Variants in ADARB2 observed in about 807,000 individuals in gnomAD.
The protein encoded by ADARB2 is adenosine deaminase RNA specific B2 (inactive).
A neutral mutation model predicts 62.2 loss-of-function variants in ADARB2; 25 were observed. The ratio of observed to expected loss-of-function variants is 0.40; its 90% CI spans 0.29 to 0.56. The LOEUF is 0.56. Ranked by LOEUF, ADARB2 falls within the 20% of genes least tolerant of loss-of-function variation. The pLI is 0.43. For missense variants in ADARB2, 1,071 were observed against 1,077.4 expected (o/e 0.99, Z 0.08); for synonymous variants, 572 against 500.8 (o/e 1.14, Z -1.90).
At chr10:1,667,657 C>T (rs897679440) in intron 1 of ADARB2, among the ~76,000 whole-genome samples, 1 of 152,118 alleles carries the variant, frequency 6.6e-6, no homozygotes, top group African/African-American at 2.4e-5. Context: ...ACTTAGCAGG[C>T]TTCAAAATAC....
At chr10:1,690,488 G>A (rs1834654103) in intron 1 of ADARB2, among the ~76,000 whole-genome samples, 1 of 152,188 alleles carries the variant, frequency 6.6e-6, no homozygotes, top group South Asian at 2.1e-4. Context: ...CTGAATACTT[G>A]TAATGATGCA....
intron 1 of ADARB2, among the ~76,000 whole-genome samples, chr10:1,387,806 C>T (rs1832537249): frequency 4.0e-5 from 6 of 151,856 alleles, no homozygotes; most frequent in Admixed American, 3.9e-4. Context: ...AGAAAAAAAA[C>T]CTACAGACCC....
chr10:1,234,737 C>CTTTTTTTTTTT (rs71376899), intron 5 of ADARB2, among the ~76,000 whole-genome samples: 4 of 53,634 alleles, frequency 7.5e-5, no homozygotes, highest in African/African-American at 1.4e-4. Context: ...CGACCATGAT[C>CTTTTTTTTTTT]TTTTTTTTTT....
intron 1 of ADARB2, among the ~76,000 whole-genome samples, chr10:1,626,335 T>A: frequency 8.2e-6 from 1 of 122,384 alleles, no homozygotes; most frequent in African/African-American, 3.0e-5. Context: ...TGCTCTCTCC[T>A]GCATGGACAC....
chr10:1,363,541 G>A lies in ADARB2; in HGVS notation c.564C>T (p.Ser188=), dbSNP rs767471032. 7 of 1,560,774 alleles carry A rather than the reference G, an allele frequency of 4.5e-6. No homozygotes were observed. In the African/African-American group the frequency reaches 8.4e-5, roughly 19 times the overall value. ...GGCAGGCGTTGGGGAACTGCACGAA[G>A]GACCTGAGTGCCAGCTCCGCCGCGC... The part of the protein sequence containing the change: ...KMRAAELALR[S]FVQFPNACQA... Residue 188 remains serine, a synonymous_variant, in exon 3 of 10, where the codon TCC becomes TCT. Coordinates refer to ENST00000381312, the MANE Select transcript of ADARB2 (RefSeq NM_018702.4).
At chr10:1,258,189 C>A (rs1329312962) in intron 4 of ADARB2, among the ~76,000 whole-genome samples, 1 of 152,100 alleles carries the variant, frequency 6.6e-6, no homozygotes, top group East Asian at 1.9e-4. Flanking sequence ...GTGTGCTTAA[C>A]CATAGCATGG....
chr10:1,683,505 C>A (rs576881957), intron 1 of ADARB2, among the ~76,000 whole-genome samples: 2 of 152,188 alleles, frequency 1.3e-5, no homozygotes, highest in Non-Finnish European at 2.9e-5. Flanking sequence ...TTGAAGGCTG[C>A]AATGCACAGG....
At chr10:1,668,312 C>T (rs1463755334) in intron 1 of ADARB2, among the ~76,000 whole-genome samples, 1 of 152,220 alleles carries the variant, frequency 6.6e-6, no homozygotes, top group Non-Finnish European at 1.5e-5. Context: ...AGTCATGTGA[C>T]ATACTGCTCC....
At chr10:1,465,920 G>A (rs1012765491) in intron 1 of ADARB2, among the ~76,000 whole-genome samples, 2 of 152,222 alleles carry the variant, frequency 1.3e-5, no homozygotes, top group African/African-American at 4.8e-5. Flanking sequence ...GTTTGCAGAG[G>A]GTTCTTTCTC....
At chr10:1,382,199 T>G (rs1455748370) in intron 1 of ADARB2, among the ~76,000 whole-genome samples, 3 of 152,234 alleles carry the variant, frequency 2.0e-5, no homozygotes. Context: ...CTGGGCATCC[T>G]GTATTTTCTC....
intron 1 of ADARB2, among the ~76,000 whole-genome samples, chr10:1,491,966 A>G (rs1831627827): frequency 6.6e-6 from 1 of 152,206 alleles, no homozygotes. Context: ...ACAAAATGAG[A>G]GTTATTGTTA....
chr10:1,251,222 C>T (rs565729603), intron 4 of ADARB2, among the ~76,000 whole-genome samples: 1 of 152,252 alleles, frequency 6.6e-6, no homozygotes, highest in South Asian at 2.1e-4. Context: ...ATGGTACATT[C>T]AGACAATGGA....
intron 1 of ADARB2, among the ~76,000 whole-genome samples, chr10:1,717,021 C>G (rs1835026861): frequency 6.6e-6 from 1 of 151,918 alleles, no homozygotes; most frequent in African/African-American, 2.4e-5. Flanking sequence ...ATTCTGATCA[C>G]GTTATTCTGA....
intron 3 of ADARB2, among the ~76,000 whole-genome samples, chr10:1,309,268 G>C (rs1831662187): frequency 6.6e-6 from 1 of 152,234 alleles, no homozygotes; most frequent in South Asian, 2.1e-4. Flanking sequence ...ATGTGCCATT[G>C]CTGGACAGTG....
chr10:1,339,768 T>A (rs2131837859), intron 3 of ADARB2, among the ~76,000 whole-genome samples: 1 of 152,300 alleles, frequency 6.6e-6, no homozygotes, highest in African/African-American at 2.4e-5. Flanking sequence ...GAAACATCCA[T>A]CGATAGCAGG....
chr10:1,221,338 A>G (rs964352711), intron 6 of ADARB2, among the ~76,000 whole-genome samples: 3 of 152,016 alleles, frequency 2.0e-5, no homozygotes, highest in African/African-American at 7.2e-5. Flanking sequence ...AAAACCCTAG[A>G]TAAAACCCTT....
At chr10:1,372,841 G>C (rs972471552) in intron 2 of ADARB2, among the ~76,000 whole-genome samples, 1 of 152,186 alleles carries the variant, frequency 6.6e-6, no homozygotes, top group Non-Finnish European at 1.5e-5. Flanking sequence ...GAGTAGGTCT[G>C]CAAGAAACTC....
At chr10:1,409,847 A>T (rs1210993280) in intron 1 of ADARB2, among the ~76,000 whole-genome samples, 1 of 99,018 alleles carries the variant, frequency 1.0e-5, no homozygotes, top group South Asian at 4.2e-4. Flanking sequence ...CCGTGGTCAC[A>T]GGGAATGATC....
chr10:1,432,518 AT>A (rs895203447), intron 1 of ADARB2, among the ~76,000 whole-genome samples: 6 of 149,058 alleles, frequency 4.0e-5, no homozygotes, highest in African/African-American at 1.5e-4. Context: ...TGCTAGAAAT[AT>A]TTTTTCATGA....
Sources: allele counts gnomAD v4.1 joint callset (sites outside exome capture counted in the v4.1 genomes callset), GRCh38; gene constraint gnomAD v4.1.1; transcripts MANE v1.5; gene names NCBI Gene and HGNC (gene_info 2026-07-23, HGNC 2026-07-21).